The following NFAT5 variants were observed in gnomAD, a reference collection of about 807,000 sequenced individuals.
NFAT5 encodes the protein nuclear factor of activated T-cells 5.
NFAT5 carries 31 observed loss-of-function variants against 166.5 expected under a neutral mutation model. That is an observed-to-expected ratio of 0.19 (90% CI 0.14 to 0.25). The LOEUF (loss-of-function observed/expected upper bound fraction) is 0.25. Ranked by LOEUF, NFAT5 falls within the 10% of genes least tolerant of loss-of-function variation. The probability of loss-of-function intolerance (pLI) is 1.00; values close to 1 mark genes in which losing one functional copy is unlikely to be tolerated. For missense variants in NFAT5, 1,449 were observed against 1,821.8 expected (o/e 0.80, Z 3.72); for synonymous variants, 612 against 639.7 (o/e 0.96, Z 0.65).
intron 3 of NFAT5, among the ~76,000 whole-genome samples, chr16:69,636,965 C>T (rs2151600926): frequency 6.6e-6 from 1 of 152,338 alleles, no homozygotes; most frequent in East Asian, 1.9e-4. Flanking sequence ...AGTCAGGCTG[C>T]ACATTTTCCA....
chr16:69,644,306 A>C (rs1217926074), intron 3 of NFAT5, among the ~76,000 whole-genome samples: 1 of 152,130 alleles, frequency 6.6e-6, no homozygotes, highest in Non-Finnish European at 1.5e-5. Flanking sequence ...AGAATTTTAC[A>C]GTTTAAAAAA....
rs1405963728 is a variant in NFAT5 at position 69,655,696 on chromosome 16, T to A, written c.1093T>A (p.Cys365Ser). The A allele has an allele frequency of 6.2e-7, 1 of 1,613,876 alleles. No individual in the cohort carries two copies. Among genetic ancestry groups the A allele is most frequent in the East Asian group, 2.2e-5 (1 of 44,872 alleles). ...GAAACCACATGGATTTTATCAGGCC[T>A]GCAGAGTAACTGGACGAAATACAAC... ...RVKPHGFYQA[C>S]RVTGRNTTPC... Residue 365 changes from cysteine (C) to serine (S), a missense_variant, in exon 6 of 15, where the codon TGC (cysteine) becomes AGC (serine). Physicochemically the swap from Cys to Ser is moderately radical, Grantham distance 112. Around this residue, in one of 7 missense-constraint regions of NFAT5, gnomAD observed 10 missense variants for 41.4 expected, o/e 0.24. Transcript: ENST00000349945.
intron 7 of NFAT5, among the ~76,000 whole-genome samples, chr16:69,664,525 T>A (rs1414574090): frequency 6.6e-6 from 1 of 152,076 alleles, no homozygotes; most frequent in Non-Finnish European, 1.5e-5. Context: ...GACCTCGTGA[T>A]CCGCCTGCCT....
chr16:69,612,280 A>G (rs1364919296), intron 2 of NFAT5, among the ~76,000 whole-genome samples: 1 of 152,176 alleles, frequency 6.6e-6, no homozygotes, highest in Middle Eastern at 3.2e-3. Context: ...AGGGTTTTCA[A>G]CCCATTTGGA....
chr16:69,593,580 G>T (rs2151529424), intron 2 of NFAT5, among the ~76,000 whole-genome samples: 1 of 151,908 alleles, frequency 6.6e-6, no homozygotes, highest in South Asian at 2.1e-4. Flanking sequence ...CTCCCAAAAT[G>T]CTGGGATTAT....
At chr16:69,616,596 C>T (rs183894702) in intron 2 of NFAT5, among the ~76,000 whole-genome samples, 27 of 152,246 alleles carry the variant, frequency 1.8e-4, no homozygotes, top group Admixed American at 1.0e-3. Context: ...TTCTTTCTTG[C>T]GTGGATGCTG....
intron 2 of NFAT5, among the ~76,000 whole-genome samples, chr16:69,613,023 A>G (rs2033775952): frequency 6.6e-6 from 1 of 152,154 alleles, no homozygotes; most frequent in African/African-American, 2.4e-5. Context: ...TTTAAAACTG[A>G]ATTCTCTTTC....
chr16:69,653,554 T>A, intron 5 of NFAT5, 126 bp downstream of exon 5: 1 of 594,700 alleles, frequency 1.7e-6, no homozygotes, highest in Non-Finnish European at 2.7e-6. Context: ...TGAATTAGAT[T>A]CATCCCAAAC....
rs752036473 is a variant in NFAT5 at position 69,693,175 on chromosome 16, T to C, written c.3350T>C (p.Ile1117Thr). Reference sequence around the variant, plus strand: ...TCTCTCTTTCATAGTCCAAATCCTATTGTCCACAGTCAGACTTCTACAACC... The same window carrying C: ...TCTCTCTTTCATAGTCCAAATCCTACTGTCCACAGTCAGACTTCTACAACC... ...QGSLFHSPNP[I>T]VHSQTSTTSS... is the part of the protein sequence containing the mutation. The change falls in exon 13 of 15, where the codon ATT (isoleucine) becomes ACT (threonine). Residue 1117 changes from isoleucine to threonine, a missense_variant. Ile to Thr is a moderately conservative substitution (Grantham distance 89). This residue lies in a region of NFAT5 where 891 missense variants were observed against 993.0 expected (regional missense o/e 0.90). Transcript: ENST00000349945. The C allele has an allele frequency of 6.2e-7, 1 of 1,614,158 alleles. No homozygotes were observed. Among genetic ancestry groups the C allele is most frequent in the South Asian group, 1.1e-5 (1 of 91,076 alleles).
At chr16:69,567,341 G>A (rs1258518036) in intron 1 of NFAT5, among the ~76,000 whole-genome samples, 1 of 152,186 alleles carries the variant, frequency 6.6e-6, no homozygotes, top group African/African-American at 2.4e-5. Flanking sequence ...CCACAAGAAT[G>A]TGTCAGAACA....
intron 2 of NFAT5, among the ~76,000 whole-genome samples, chr16:69,604,615 A>G (rs552655229): frequency 1.3e-5 from 2 of 152,242 alleles, no homozygotes; most frequent in South Asian, 2.1e-4. Flanking sequence ...TGCACAATAA[A>G]TCAATCATTT....
At chr16:69,672,937 C>T (rs573104750) in intron 9 of NFAT5, among the ~76,000 whole-genome samples, 1 of 152,234 alleles carries the variant, frequency 6.6e-6, no homozygotes, top group African/African-American at 2.4e-5. Flanking sequence ...TGACATAGCC[C>T]CAACAAATTG....
At chr16:69,580,060 G>A (rs1051686297) in intron 2 of NFAT5, among the ~76,000 whole-genome samples, 1 of 151,912 alleles carries the variant, frequency 6.6e-6, no homozygotes, top group African/African-American at 2.4e-5. Flanking sequence ...AAGAAACCAG[G>A]ATTTTATTAG....
At chr16:69,642,847 GA>G (rs1002484226) in intron 3 of NFAT5, among the ~76,000 whole-genome samples, 8 of 149,492 alleles carry the variant, frequency 5.4e-5, no homozygotes, top group East Asian at 2.0e-4. Flanking sequence ...AAAGAAAAAG[GA>G]AAAAAAAAGT....
intron 2 of NFAT5, among the ~76,000 whole-genome samples, chr16:69,593,804 G>T (rs1431057972): frequency 6.6e-6 from 1 of 152,124 alleles, no homozygotes; most frequent in African/African-American, 2.4e-5. Context: ...AAGAATATAA[G>T]CTTATCAGAA....
chr16:69,602,027 T>C (rs760340340), intron 2 of NFAT5, among the ~76,000 whole-genome samples: 6 of 152,216 alleles, frequency 3.9e-5, no homozygotes, highest in African/African-American at 4.8e-5. Context: ...CAGAACAGAT[T>C]TGGATTCACA....
At position 69,693,486 on chromosome 16, in the gene NFAT5, C is replaced by T. The variant is rs1296665150; in HGVS notation, c.3661C>T (p.Pro1221Ser). 7 of 1,614,190 alleles carry T rather than the reference C, an allele frequency of 4.3e-6. No homozygotes were observed. Among genetic ancestry groups the T allele is most frequent in the Non-Finnish European group, 5.9e-6 (7 of 1,180,042 alleles). ...TPMLSQEQAQ[P>S]PQQGLFQPQV... ...TATGCTTTCCCAAGAACAGGCACAA[C>T]CCCCGCAGCAGGGTTTATTTCAGCC... The change falls in exon 13 of 15, where the codon CCC becomes TCC. Residue 1221 changes from proline (P) to serine (S), a missense_variant. Physicochemically the swap from Pro to Ser is moderately conservative, Grantham distance 74 (BLOSUM62 -1). Around this residue, in one of 7 missense-constraint regions of NFAT5, gnomAD observed 891 missense variants for 993.0 expected, o/e 0.90. Transcript: ENST00000349945.
chr16:69,594,206 T>C (rs1318119323), intron 2 of NFAT5, among the ~76,000 whole-genome samples: 2 of 152,204 alleles, frequency 1.3e-5, no homozygotes, highest in Non-Finnish European at 2.9e-5. Context: ...TACACAAACC[T>C]ATGTGGTATA....
chr16:69,610,251 T>G (rs981882465), intron 2 of NFAT5, among the ~76,000 whole-genome samples: 2 of 152,176 alleles, frequency 1.3e-5, no homozygotes, highest in Admixed American at 6.5e-5. Flanking sequence ...GTATTTGGAT[T>G]AAATATAACA....
Sources: allele counts gnomAD v4.1 joint callset (sites outside exome capture counted in the v4.1 genomes callset), GRCh38; gene constraint gnomAD v4.1.1; regional missense constraint gnomAD v4.1.1; transcripts MANE v1.5; gene names NCBI Gene and HGNC (gene_info 2026-07-23, HGNC 2026-07-21).